CCDC85C: variants seen among roughly 807,000 people sequenced by gnomAD.
CCDC85C encodes the protein coiled-coil domain-containing protein 85C.
A neutral mutation model predicts 38.3 loss-of-function variants in CCDC85C; 18 were observed. The ratio of observed to expected loss-of-function variants is 0.47; its 90% confidence interval spans 0.33 to 0.70. CCDC85C has a LOEUF of 0.70. CCDC85C is among the 30% of genes least tolerant of loss of function. The pLI, the probability that CCDC85C is intolerant of heterozygous loss-of-function variation, is 0.03. For missense variants in CCDC85C, 566 were observed against 621.2 expected, an observed-to-expected ratio of 0.91 and a Z score of 0.94; for synonymous variants, 264 against 293.8, an observed-to-expected ratio of 0.90 and a Z score of 1.04.
intron 1 of CCDC85C, among the ~76,000 whole-genome samples, chr14:99,555,742 C>T (rs1325744720): frequency 2.6e-5 from 4 of 152,212 alleles, no homozygotes; most frequent in African/African-American, 7.2e-5. Context: ...GAGACAAGTG[C>T]GTGTCTGCCT....
In CCDC85C at chr14:99,568,328, C is replaced by T. The variant is rs1466647004; in HGVS notation, c.794-32240G>A. ...AGTGCAATGGCACGATCTCGGCTCA[C>T]TATAGTCTCATGGGTTCATGCGCAT... On this transcript the variant is annotated intron_variant, in intron 1 of 5. Transcript: ENST00000380243. Among the ~76,000 whole-genome samples, 3 of 145,500 alleles carry T rather than the reference C, an allele frequency of 2.1e-5. No homozygotes were observed. The East Asian group carries it at 6.5e-4, about 31-fold the overall frequency.
At chr14:99,592,771 A>T (rs2055101031) in intron 1 of CCDC85C, among the ~76,000 whole-genome samples, 1 of 152,208 alleles carries the variant, frequency 6.6e-6, no homozygotes, top group African/African-American at 2.4e-5. Flanking sequence ...TTGGACCAGG[A>T]AACGTGAGCC....
chr14:99,534,313 G>T (rs1391197746), intron 2 of CCDC85C, among the ~76,000 whole-genome samples: 1 of 151,446 alleles, frequency 6.6e-6, no homozygotes, highest in East Asian at 1.9e-4. Flanking sequence ...CTGAGATCAC[G>T]CCATTGTAAT....
intron 1 of CCDC85C, among the ~76,000 whole-genome samples, chr14:99,581,192 C>T (rs1226595670): frequency 6.6e-6 from 1 of 152,160 alleles, no homozygotes; most frequent in Non-Finnish European, 1.5e-5. Flanking sequence ...CCAGTGCCAC[C>T]CTACCCTGGC....
intron 1 of CCDC85C, among the ~76,000 whole-genome samples, chr14:99,538,845 G>A (rs2139922464): frequency 6.6e-6 from 1 of 152,284 alleles, no homozygotes; most frequent in Non-Finnish European, 1.5e-5. Flanking sequence ...CCGGAGAAGG[G>A]ATGCAGACAG....
intron 2 of CCDC85C, among the ~76,000 whole-genome samples, chr14:99,523,275 C>T (rs879596421): frequency 1.3e-5 from 2 of 152,164 alleles, no homozygotes; most frequent in Non-Finnish European, 2.9e-5. Context: ...ACTCACCAGC[C>T]CCTCGGCCTG....
At position 99,590,234 on chromosome 14, in the gene CCDC85C, G is replaced by A. The variant is rs917833118; in HGVS notation, c.793+12933C>T. ...GGGTCCTCCAAACTCCTAGTCTTGG[G>A]GACTACCCTCCAGGGTGGGGGCACC... On this transcript the variant is annotated intron_variant, in intron 1 of 5. Transcript: ENST00000380243. Among the ~76,000 whole-genome samples the A allele has an allele frequency of 7.2e-5, 11 of 152,132 alleles. No homozygotes were observed. In the East Asian group the frequency reaches 2.1e-3, roughly 29 times the overall value.
rs1197586349 is a variant in CCDC85C, at chr14:99,588,560, C to G, written c.793+14607G>C. Among the ~76,000 whole-genome samples the G allele has an allele frequency of 6.6e-6, 1 of 152,132 alleles. No individual in the cohort carries two copies. Among genetic ancestry groups the G allele is most frequent in the Non-Finnish European group, 1.5e-5 (1 of 68,036 alleles). The stretch of plus-strand genomic sequence containing the variant: ...TTTTCTCATTTTTATTCTGCTCCTG[C>G]TGGCGATGGCGCTGGCCCGGGAGGC... On this transcript the variant is annotated intron_variant, in intron 1 of 5. Transcript: ENST00000380243. The surrounding 1 kb of genome is among the most constrained non-coding windows in gnomAD (Gnocchi z 5.0).
At chr14:99,515,808 T>C (rs1012165036) in intron 5 of CCDC85C, among the ~76,000 whole-genome samples, 7 of 151,890 alleles carry the variant, frequency 4.6e-5, no homozygotes, top group Non-Finnish European at 8.8e-5. Flanking sequence ...CTGAGCACCA[T>C]CTGCCCAGCC....
At position 99,576,329 on chromosome 14, in the gene CCDC85C, C is replaced by A. The variant is rs1031150898; in HGVS notation, c.793+26838G>T. 2 of 152,324 alleles carry A rather than the reference C, an allele frequency of 1.3e-5. No homozygotes were observed. Among genetic ancestry groups the A allele is most frequent in the Non-Finnish European group, 2.9e-5 (2 of 68,164 alleles). The allele number at this position is 152,324 out of a possible 1,614,324, so 9.4% of individuals were successfully genotyped here. A position where few individuals can be genotyped will look rare whatever the true frequency, so the allele number is the denominator to read the frequency against. ...CCCCTCGAGGGTGGTCCCAAAGGTC[C>A]CCAGGCCACACAGCTTAAGGCACCC... On this transcript the variant is annotated intron_variant, in intron 1 of 5. Coordinates refer to ENST00000380243, the MANE Select transcript of CCDC85C (RefSeq NM_001144995.2). The surrounding 1 kb of genome is among the most constrained non-coding windows in gnomAD (Gnocchi z 4.8).
Position 99,511,415 on chromosome 14 carries a change from T to C in CCDC85C, c.*3831A>G, listed in dbSNP as rs1411091707. 1.3e-4 allele frequency: 20 copies of C among 152,482 alleles called. No homozygotes were observed. 9.4% of individuals were successfully genotyped at this position (152,482 alleles called of 1,614,324 possible). ...TTGCAAATTCCTGTACATAGAGATATATTTTTTAAGTGTGAATGTAACAAC... is the reference window on the plus strand; with the variant it reads ...TTGCAAATTCCTGTACATAGAGATACATTTTTTAAGTGTGAATGTAACAAC... On this transcript the variant is annotated 3_prime_UTR_variant, in exon 6 of 6. Transcript: ENST00000380243.
intron 1 of CCDC85C, among the ~76,000 whole-genome samples, chr14:99,583,625 T>G (rs1595101575): frequency 6.7e-6 from 1 of 149,280 alleles, no homozygotes; most frequent in South Asian, 2.1e-4. Context: ...GCCAATACGG[T>G]AAAACCACGT....
intron 2 of CCDC85C, among the ~76,000 whole-genome samples, chr14:99,526,597 G>A (rs561592570): frequency 1.7e-4 from 26 of 152,226 alleles, no homozygotes; most frequent in African/African-American, 6.0e-4. Context: ...CCTCCAGGAA[G>A]AGGAAGTGGG....
rs1897372216 is a variant in CCDC85C at position 99,525,731 on chromosome 14, C to A, written c.868-3491G>T. ...GTGCCCTGTGTCCCCACCTGGGCAG[C>A]CTGCCCGCAAGTGACCACTTGGACC... is the stretch of plus-strand genomic sequence containing the variant. On this transcript the variant is annotated intron_variant, in intron 2 of 5. Coordinates refer to ENST00000380243, the MANE Select transcript of CCDC85C (RefSeq NM_001144995.2). Among the ~76,000 whole-genome samples, 4 of 152,340 alleles carry A rather than the reference C, an allele frequency of 2.6e-5. No homozygotes were observed. The South Asian group carries it at 8.3e-4, about 32-fold the overall frequency.
Position 99,535,094 on chromosome 14 carries a change from T to C in CCDC85C, c.867+921A>G, listed in dbSNP as rs909111123. Reference sequence around the variant, plus strand: ...CGTGAGCCTCCCAGCAGCCGCCCAGTGGGCAGAGAGGGTGCCGTGGAATTC... The same window carrying C: ...CGTGAGCCTCCCAGCAGCCGCCCAGCGGGCAGAGAGGGTGCCGTGGAATTC... On this transcript the variant is annotated intron_variant, in intron 2 of 5. Coordinates refer to ENST00000380243, the MANE Select transcript of CCDC85C (RefSeq NM_001144995.2). The surrounding 1 kb of genome is among the most constrained non-coding windows in gnomAD (Gnocchi z 5.5). 2 of 200,974 alleles carry C rather than the reference T, an allele frequency of 1.0e-5. No homozygotes were observed. The highest frequency in any genetic ancestry group is 1.9e-4 in the South Asian group (2 of 10,628). The allele number at this position is 200,974 out of a possible 1,614,324, so 12.4% of individuals were successfully genotyped here.
At chr14:99,590,711 G>A (rs975643656) in intron 1 of CCDC85C, among the ~76,000 whole-genome samples, 2 of 152,212 alleles carry the variant, frequency 1.3e-5, no homozygotes, top group Non-Finnish European at 2.9e-5. Flanking sequence ...TCCCAGCCAA[G>A]TCCTAGCAGG....
In CCDC85C at chr14:99,500,873, TAAG is replaced by T. The variant is rs201567868; in HGVS notation, c.*14370_*14372del. The T allele has an allele frequency of 6.0e-4, 896 of 1,504,068 alleles. 7 individuals carry two copies. The Admixed American group carries it at 0.015, about 26-fold the overall frequency. The allele number at this position is 1,504,068 out of a possible 1,614,324, so 93.2% of individuals were successfully genotyped here. ...TAAAATATGCAAAGCAACTCAAAGGTAAGAAGAAAGTTTTCAGAAGAATTTTTT... is the reference window on the plus strand; with the variant it reads ...TAAAATATGCAAAGCAACTCAAAGGTAAGAAAGTTTTCAGAAGAATTTTTT... On this transcript the variant is annotated 3_prime_UTR_variant, in exon 6 of 6. Coordinates refer to ENST00000380243, the MANE Select transcript of CCDC85C (RefSeq NM_001144995.2).
intron 3 of CCDC85C, among the ~76,000 whole-genome samples, chr14:99,521,405 T>C (rs995277432): frequency 3.3e-5 from 5 of 152,180 alleles, no homozygotes; most frequent in Non-Finnish European, 5.9e-5. Context: ...GGGTCAGCCT[T>C]GTGGGCAAGG....
chr14:99,517,868 G>A (rs1897250558), intron 3 of CCDC85C, among the ~76,000 whole-genome samples: 1 of 152,244 alleles, frequency 6.6e-6, no homozygotes, highest in African/African-American at 2.4e-5. Context: ...TCGGGCTGCA[G>A]TGGGGACCAC....
Sources: gnomAD v4.1 joint callset for allele counts (sites outside exome capture counted in the v4.1 genomes callset) on GRCh38, gnomAD v4.1.1 for gene constraint, Gnocchi (gnomAD v3.1) non-coding constraint, MANE v1.5 for transcripts, NCBI Gene and HGNC (gene_info 2026-07-23, HGNC 2026-07-21) for gene names.